Variants in INSIG2 observed in about 807,000 individuals in gnomAD.
The protein encoded by INSIG2 is insulin induced gene 2, also known as insulin-induced gene 2 protein.
In INSIG2, 10 loss-of-function variants were observed where a neutral mutation model predicts 27.2. The ratio of observed to expected loss-of-function variants is 0.37; its 90% CI spans 0.23 to 0.62. INSIG2 has a LOEUF of 0.62. INSIG2 is among the 20% of genes least tolerant of loss of function. The pLI, the probability that INSIG2 is intolerant of heterozygous loss-of-function variation, is 0.65. For synonymous variants in INSIG2, 97 were observed against 95.8 expected, an observed-to-expected ratio of 1.01 and a Z score of -0.07; for missense variants, 178 against 270.2, an observed-to-expected ratio of 0.66 and a Z score of 2.39.
At chr2:118,106,714 T>C in intron 3 of INSIG2, 23 bp from the exon 4 acceptor site, 1 of 1,592,800 alleles carries the variant, frequency 6.3e-7, no homozygotes, top group South Asian at 1.1e-5. Flanking sequence ...ACTTTTAAGA[T>C]GACTTCTTAA....
intron 1 of INSIG2, among the ~76,000 whole-genome samples, chr2:118,093,306 G>T (rs1476141049): frequency 1.3e-4 from 8 of 59,398 alleles, no homozygotes; most frequent in African/African-American, 5.3e-4. Context: ...ATGATGAGGA[G>T]GAGGAGGAGG....
chr2:118,103,413 A>G, intron 3 of INSIG2, 92 bp downstream of exon 3: 1 of 1,074,356 alleles, frequency 9.3e-7, no homozygotes, highest in Admixed American at 2.1e-5. Flanking sequence ...ACTGTTGTCA[A>G]ATTATGATAT....
rs1371955269 is a variant in INSIG2, at chr2:118,103,183, T to C, written c.245-14T>C. 1 of 1,611,350 alleles carries C rather than the reference T, an allele frequency of 6.2e-7. No individual in the cohort carries two copies. The highest frequency in any genetic ancestry group is 8.5e-7 in the Non-Finnish European group (1 of 1,178,690). Reference sequence around the variant, plus strand: ...CATTGGAGGTAACTTAATTTTTTTCTTTTTTCCCTACAGCTGTGATTGGGT... The same window carrying C: ...CATTGGAGGTAACTTAATTTTTTTCCTTTTTCCCTACAGCTGTGATTGGGT... On this transcript the variant is annotated splice_polypyrimidine_tract_variant and intron_variant, in intron 2 of 5. Transcript: ENST00000245787.
At chr2:118,106,975 G>C (rs999616590) in intron 4 of INSIG2, 72 bp downstream of exon 4, 75 of 1,549,572 alleles carry the variant, frequency 4.8e-5, no homozygotes, top group Non-Finnish European at 6.1e-5. Context: ...TCAGAATTGA[G>C]ATTATGAAAT....
At chr2:118,101,575 T>G (rs1360252632) in intron 2 of INSIG2, among the ~76,000 whole-genome samples, 2 of 150,564 alleles carry the variant, frequency 1.3e-5, no homozygotes, top group Non-Finnish European at 3.0e-5. Context: ...ATATATATGG[T>G]GGGGGGATGG....
chr2:118,101,975 A>G (rs1405158315), intron 2 of INSIG2, among the ~76,000 whole-genome samples: 2 of 152,166 alleles, frequency 1.3e-5, no homozygotes, highest in Non-Finnish European at 2.9e-5. Flanking sequence ...TTGGTCTGCT[A>G]GGCTGTGATT....
intron 2 of INSIG2, among the ~76,000 whole-genome samples, chr2:118,100,373 C>CTTT (rs70949913): frequency 0.024 from 1,952 of 81,406 alleles, 27 homozygotes; most frequent in Non-Finnish European, 0.028. Flanking sequence ...ACTCTTTTGC[C>CTTT]TTTTTTTTTT....
chr2:118,105,816 C>T (rs1327880004), intron 3 of INSIG2, among the ~76,000 whole-genome samples: 1 of 152,130 alleles, frequency 6.6e-6, no homozygotes, highest in Non-Finnish European at 1.5e-5. Context: ...TCTCCCAAAC[C>T]TCCCCCGCCT....
At chr2:118,098,803 G>A (rs1164055577) in intron 2 of INSIG2, among the ~76,000 whole-genome samples, 1 of 152,152 alleles carries the variant, frequency 6.6e-6, no homozygotes, top group Non-Finnish European at 1.5e-5. Flanking sequence ...CAGCCACTAG[G>A]TTTGTCACAC....
chr2:118,098,957 C>T (rs1325576708), intron 2 of INSIG2, among the ~76,000 whole-genome samples: 1 of 152,156 alleles, frequency 6.6e-6, no homozygotes, highest in East Asian at 1.9e-4. Context: ...AATTCTGCTA[C>T]CAATTTTGTT....
At chr2:118,094,395 T>G in intron 1 of INSIG2, among the ~76,000 whole-genome samples, 2 of 65,702 alleles carry the variant, frequency 3.0e-5, no homozygotes, top group African/African-American at 1.2e-4. Flanking sequence ...TGATGGAGAG[T>G]TCTGTAGCTA....
intron 3 of INSIG2, 28 bp from the exon 4 acceptor site, chr2:118,106,709 T>G: frequency 3.8e-6 from 6 of 1,592,858 alleles, no homozygotes; most frequent in Non-Finnish European, 5.1e-6. Flanking sequence ...TTACAACTTT[T>G]AAGATGACTT....
chr2:118,101,977 G>T (rs1376652297), intron 2 of INSIG2, among the ~76,000 whole-genome samples: 2 of 152,170 alleles, frequency 1.3e-5, no homozygotes, highest in Non-Finnish European at 2.9e-5. Flanking sequence ...GGTCTGCTAG[G>T]CTGTGATTTT....
In INSIG2 at chr2:118,109,597, G is replaced by T. The variant is rs1678763516; in HGVS notation, c.*1275G>T. On this transcript the variant is annotated 3_prime_UTR_variant, in exon 6 of 6. Coordinates refer to ENST00000245787, the MANE Select transcript of INSIG2 (RefSeq NM_016133.4). ...AGATCTTCTGAGTACTCTGGGGTGT[G>T]AGTATGTGTGCACACGTGTGTGTTG... The T allele has an allele frequency of 6.6e-6, 1 of 152,526 alleles. No individual in the cohort carries two copies. Among genetic ancestry groups the T allele is most frequent in the Non-Finnish European group, 1.5e-5 (1 of 68,018 alleles). 9.4% of individuals were successfully genotyped at this position (152,526 alleles called of 1,614,324 possible).
In INSIG2 at chr2:118,109,677, G is replaced by T. The variant is rs1360083272; in HGVS notation, c.*1355G>T. 6.6e-6 allele frequency: 1 copy of T among 152,028 alleles called. No individual in the cohort carries two copies. Among genetic ancestry groups the T allele is most frequent in the Non-Finnish European group, 1.5e-5 (1 of 67,962 alleles). The allele number at this position is 152,028 out of a possible 1,614,324, so 9.4% of individuals were successfully genotyped here. A position where few individuals can be genotyped will look rare whatever the true frequency, so the allele number is the denominator to read the frequency against. On this transcript the variant is annotated 3_prime_UTR_variant, in exon 6 of 6. Coordinates refer to ENST00000245787, the MANE Select transcript of INSIG2 (RefSeq NM_016133.4). ...TGGCCATGCTTTCCTAGAATGTCAA[G>T]TAGATATTTTTACACTTTGAGTTTT...
chr2:118,089,878 G>A (rs1678185222), intron 1 of INSIG2, among the ~76,000 whole-genome samples: 2 of 152,204 alleles, frequency 1.3e-5, no homozygotes, highest in African/African-American at 4.8e-5. Context: ...ACTTTTTTAG[G>A]CACTGAGATG....
chr2:118,099,648 A>C (rs971919108), intron 2 of INSIG2, among the ~76,000 whole-genome samples: 4 of 152,250 alleles, frequency 2.6e-5, no homozygotes, highest in Non-Finnish European at 5.9e-5. Flanking sequence ...CTCAAAAATC[A>C]CAAGTAGCCT....
intron 2 of INSIG2, among the ~76,000 whole-genome samples, chr2:118,101,950 T>G (rs1173984534): frequency 6.6e-6 from 1 of 152,232 alleles, no homozygotes; most frequent in Non-Finnish European, 1.5e-5. Flanking sequence ...ACAGCCTTTT[T>G]CAAATGCTGC....
At chr2:118,105,167 A>G (rs561761050) in intron 3 of INSIG2, among the ~76,000 whole-genome samples, 65 of 152,220 alleles carry the variant, frequency 4.3e-4, no homozygotes, top group African/African-American at 1.5e-3. Context: ...CAGCCTCCTG[A>G]GTAGCTGGGA....
Sources: gnomAD v4.1 joint callset for allele counts (sites outside exome capture counted in the v4.1 genomes callset) on GRCh38, gnomAD v4.1.1 for gene constraint, MANE v1.5 for transcripts, NCBI Gene and HGNC (gene_info 2026-07-23, HGNC 2026-07-21) for gene names.